The following ARHGAP15 variants were observed in gnomAD, a reference collection of about 807,000 sequenced individuals.
ARHGAP15 encodes the protein rho GTPase-activating protein 15.
In ARHGAP15, 51 loss-of-function variants were observed where a neutral mutation model predicts 63.7. The observed-to-expected ratio is 0.80, with a 90% CI of 0.64 to 1.01. The LOEUF is 1.01. Among genes scored for constraint, ARHGAP15 ranks in the 50% least tolerant of loss-of-function variants. The probability of loss-of-function intolerance (pLI) is 0.00; values close to 1 mark genes in which losing one functional copy is unlikely to be tolerated. For synonymous variants in ARHGAP15, 191 were observed against 193.8 expected (o/e 0.99, Z 0.12); for missense variants, 560 against 564.6 (o/e 0.99, Z 0.08).
At chr2:143,411,684 G>T (rs891677489) in intron 6 of ARHGAP15, among the ~76,000 whole-genome samples, 8 of 152,124 alleles carry the variant, frequency 5.3e-5, no homozygotes, top group Non-Finnish European at 1.2e-4. Flanking sequence ...TTAAGAACTG[G>T]AGATACATTG....
chr2:143,389,902 G>GC (rs1687463449), intron 6 of ARHGAP15, among the ~76,000 whole-genome samples: 1 of 151,670 alleles, frequency 6.6e-6, no homozygotes, highest in Admixed American at 6.6e-5. Context: ...AAGCAACTTT[G>GC]CAATGGCCCT....
intron 11 of ARHGAP15, among the ~76,000 whole-genome samples, chr2:143,584,260 T>C (rs1219366775): frequency 6.6e-6 from 1 of 152,220 alleles, no homozygotes; most frequent in Non-Finnish European, 1.5e-5. Context: ...TGTAGCATTC[T>C]GGCAGACTTA....
intron 13 of ARHGAP15, among the ~76,000 whole-genome samples, chr2:143,724,840 G>T (rs1376270501): frequency 1.3e-5 from 2 of 152,200 alleles, no homozygotes; most frequent in Non-Finnish European, 2.9e-5. Flanking sequence ...CATTATAAGA[G>T]TCTGAAGAGC....
chr2:143,135,349 T>C (rs1689094509), intron 1 of ARHGAP15, among the ~76,000 whole-genome samples: 1 of 152,214 alleles, frequency 6.6e-6, no homozygotes, highest in African/African-American at 2.4e-5. Context: ...TTGCAACTTA[T>C]TTTTTATCTT....
At chr2:143,546,639 CA>C (rs927737381) in intron 10 of ARHGAP15, among the ~76,000 whole-genome samples, 1 of 151,864 alleles carries the variant, frequency 6.6e-6, no homozygotes, top group Non-Finnish European at 1.5e-5. Context: ...ATGATAATGG[CA>C]GACCAAATTA....
chr2:143,150,210 A>G (rs1689761937), intron 1 of ARHGAP15, among the ~76,000 whole-genome samples: 1 of 151,974 alleles, frequency 6.6e-6, no homozygotes, highest in Non-Finnish European at 1.5e-5. Flanking sequence ...TACTTAATAT[A>G]TTTTTACTTT....
chr2:143,560,731 G>A (rs1366801443), intron 11 of ARHGAP15, among the ~76,000 whole-genome samples: 1 of 152,228 alleles, frequency 6.6e-6, no homozygotes, highest in Non-Finnish European at 1.5e-5. Flanking sequence ...ATCACAGTTA[G>A]GAAGAAGCCT....
At chr2:143,286,489 T>A (rs889707517) in intron 6 of ARHGAP15, among the ~76,000 whole-genome samples, 9 of 152,216 alleles carry the variant, frequency 5.9e-5, no homozygotes, top group Non-Finnish European at 1.3e-4. Flanking sequence ...ATAGCATAAC[T>A]CGAATATGAA....
intron 2 of ARHGAP15, among the ~76,000 whole-genome samples, chr2:143,178,268 G>C (rs1691085949): frequency 1.3e-5 from 2 of 152,016 alleles, no homozygotes; most frequent in Non-Finnish European, 2.9e-5. Context: ...ATTATTTTCA[G>C]AAAAAACTTC....
chr2:143,179,891 C>CAAAAAAAA (rs77160479), intron 2 of ARHGAP15, among the ~76,000 whole-genome samples: 1 of 142,732 alleles, frequency 7.0e-6, no homozygotes, highest in Non-Finnish European at 1.5e-5. Flanking sequence ...GACATTGTCT[C>CAAAAAAAA]AAAAAAAAAA....
intron 8 of ARHGAP15, among the ~76,000 whole-genome samples, chr2:143,468,285 T>A (rs766387529): frequency 3.9e-5 from 6 of 152,078 alleles, no homozygotes; most frequent in Non-Finnish European, 5.9e-5. Context: ...TCAACTTTTT[T>A]TCCTTTAGGG....
At chr2:143,134,127 CT>C (rs369053280) in intron 1 of ARHGAP15, among the ~76,000 whole-genome samples, 7 of 32,284 alleles carry the variant, frequency 2.2e-4, no homozygotes, top group Non-Finnish European at 5.8e-4. Flanking sequence ...ATCTATCTAT[CT>C]ATCTATCTAT....
At chr2:143,236,057 C>T (rs1486385260) in intron 5 of ARHGAP15, 1 of 1,465,760 alleles carries the variant, frequency 6.8e-7, no homozygotes, top group East Asian at 2.6e-5. Flanking sequence ...AGAGAAGAAG[C>T]TCTGCAATTT....
intron 11 of ARHGAP15, among the ~76,000 whole-genome samples, chr2:143,621,752 C>A (rs1018612800): frequency 6.6e-6 from 1 of 152,010 alleles, no homozygotes; most frequent in African/African-American, 2.4e-5. Context: ...GGTAAATTTT[C>A]TTTAGATATC....
At chr2:143,644,950 C>G (rs1441498644) in intron 12 of ARHGAP15, among the ~76,000 whole-genome samples, 2 of 152,000 alleles carry the variant, frequency 1.3e-5, no homozygotes, top group African/African-American at 4.8e-5. Flanking sequence ...GTATAGAAAA[C>G]TGTATGTTGG....
intron 6 of ARHGAP15, among the ~76,000 whole-genome samples, chr2:143,395,587 G>A (rs1244932083): frequency 1.3e-5 from 2 of 152,142 alleles, no homozygotes; most frequent in East Asian, 1.9e-4. Flanking sequence ...GTCTCCAGCA[G>A]TATCTAGTCT....
At chr2:143,500,909 A>T (rs946639153) in intron 9 of ARHGAP15, among the ~76,000 whole-genome samples, 1 of 152,208 alleles carries the variant, frequency 6.6e-6, no homozygotes, top group Admixed American at 6.5e-5. Context: ...AAATCTATCC[A>T]TATGAGACAG....
intron 5 of ARHGAP15, among the ~76,000 whole-genome samples, chr2:143,243,592 A>G (rs1441523748): frequency 6.6e-6 from 1 of 152,156 alleles, no homozygotes; most frequent in East Asian, 1.9e-4. Flanking sequence ...GTTCATTAGC[A>G]GACTTTTTCT....
chr2:143,458,021 T>C (rs530428651), intron 8 of ARHGAP15, among the ~76,000 whole-genome samples: 2 of 152,014 alleles, frequency 1.3e-5, no homozygotes, highest in Non-Finnish European at 2.9e-5. Flanking sequence ...AAAATATTAT[T>C]GCACTAAAAG....
Sources: allele counts gnomAD v4.1 joint callset (sites outside exome capture counted in the v4.1 genomes callset), GRCh38; gene constraint gnomAD v4.1.1; transcripts MANE v1.5; gene names NCBI Gene and HGNC (gene_info 2026-07-23, HGNC 2026-07-21).